Variants in SORCS2 observed in about 807,000 individuals in gnomAD.
SORCS2 encodes sortilin related VPS10 domain containing receptor 2.
In SORCS2, 100 loss-of-function variants were observed where a neutral mutation model predicts 141.6. The observed-to-expected ratio is 0.71, with a 90% CI of 0.60 to 0.83. SORCS2 has a LOEUF of 0.83. Among genes scored for constraint, SORCS2 ranks in the 40% least tolerant of loss-of-function variants. The pLI, the probability that SORCS2 is intolerant of heterozygous loss-of-function variation, is 0.00. For missense variants in SORCS2, 1,646 were observed against 1,560.2 expected, an observed-to-expected ratio of 1.05 and a Z score of -0.93; for synonymous variants, 789 against 676.9, an observed-to-expected ratio of 1.17 and a Z score of -2.57.
At chr4:7,413,885 G>C (rs1034725539) in intron 2 of SORCS2, among the ~76,000 whole-genome samples, 2 of 152,098 alleles carry the variant, frequency 1.3e-5, no homozygotes, top group Admixed American at 6.5e-5. Flanking sequence ...GCTCTTCTGT[G>C]TGCCCTTTTC....
chr4:7,496,518 C>A (rs1425644636), intron 2 of SORCS2, among the ~76,000 whole-genome samples: 1 of 130,886 alleles, frequency 7.6e-6, no homozygotes, highest in Non-Finnish European at 1.6e-5. Flanking sequence ...GTGCTCTGCA[C>A]GGAGGCTGTA....
At chr4:7,208,423 C>T (rs1727870568) in intron 1 of SORCS2, among the ~76,000 whole-genome samples, 2 of 152,168 alleles carry the variant, frequency 1.3e-5, no homozygotes, top group Admixed American at 1.3e-4. Flanking sequence ...CAGGGCTGGT[C>T]TTCTGCCCTC....
intron 2 of SORCS2, among the ~76,000 whole-genome samples, chr4:7,426,364 G>A (rs1726438844): frequency 6.6e-6 from 1 of 151,094 alleles, no homozygotes; most frequent in South Asian, 2.1e-4. Flanking sequence ...AGCTCCTGAA[G>A]AGGCCTTCCC....
rs1039497192 is a variant in SORCS2 at position 7,405,323 on chromosome 4, C to A, written c.548+8968C>A. Reference sequence around the variant, plus strand: ...GCTTTGTTCTTCTTGCTTAGGATTTCTTTTGCTATGTGGGCTCTTTTTGGG... The same window carrying A: ...GCTTTGTTCTTCTTGCTTAGGATTTATTTTGCTATGTGGGCTCTTTTTGGG... On this transcript the variant is annotated intron_variant, in intron 2 of 26. Transcript: ENST00000507866. Among the ~76,000 whole-genome samples the A allele has an allele frequency of 5.9e-5, 9 of 152,064 alleles. No homozygotes were observed. In the East Asian group the frequency reaches 1.7e-3, roughly 29 times the overall value.
At chr4:7,640,538 G>T (rs568009253) in intron 4 of SORCS2, among the ~76,000 whole-genome samples, 2 of 151,610 alleles carry the variant, frequency 1.3e-5, no homozygotes, top group East Asian at 1.9e-4. Flanking sequence ...GTGCGTGGGT[G>T]TGTGTAGATC....
chr4:7,512,063 A>G (rs1451392819), intron 2 of SORCS2, among the ~76,000 whole-genome samples: 4 of 152,164 alleles, frequency 2.6e-5, no homozygotes, highest in Non-Finnish European at 5.9e-5. Context: ...TTTAGAATAG[A>G]AAAGTTGAGT....
intron 9 of SORCS2, among the ~76,000 whole-genome samples, chr4:7,681,418 C>T (rs539411747): frequency 6.6e-5 from 10 of 152,266 alleles, no homozygotes; most frequent in South Asian, 2.1e-4. Flanking sequence ...AGAGATGCAG[C>T]GTTGCTAGCT....
intron 1 of SORCS2, among the ~76,000 whole-genome samples, chr4:7,260,517 C>A (rs1238736092): frequency 1.3e-5 from 2 of 152,184 alleles, no homozygotes; most frequent in Non-Finnish European, 2.9e-5. Context: ...GGGCTTTTAA[C>A]AGTTGTTTGT....
At chr4:7,202,468 T>C (rs544268019) in intron 1 of SORCS2, among the ~76,000 whole-genome samples, 2 of 152,350 alleles carry the variant, frequency 1.3e-5, no homozygotes, top group South Asian at 4.1e-4. Context: ...AAAATTACAA[T>C]CATTTAATTA....
At position 7,415,384 on chromosome 4, in the gene SORCS2, C is replaced by T. The variant is rs1262490705; in HGVS notation, c.548+19029C>T. 2.0e-5 allele frequency among the ~76,000 whole-genome samples: 3 copies of T among 152,246 alleles called. No homozygotes were observed. The East Asian group carries it at 5.8e-4, about 29-fold the overall frequency. Reference sequence around the variant, plus strand: ...GAGTTGGAATGCAGAGGCTGCCTGCCATCCGTGGCTCAGGCCTTCCCTCCC... The same window carrying T: ...GAGTTGGAATGCAGAGGCTGCCTGCTATCCGTGGCTCAGGCCTTCCCTCCC... On this transcript the variant is annotated intron_variant, in intron 2 of 26. Coordinates refer to ENST00000507866, the MANE Select transcript of SORCS2 (RefSeq NM_020777.3).
chr4:7,594,760 A>G lies in SORCS2; in HGVS notation c.649-43568A>G, dbSNP rs141162583. Among the ~76,000 whole-genome samples the G allele has an allele frequency of 3.0e-3, 461 of 152,124 alleles. 1 individual carries two copies. The highest frequency in any genetic ancestry group is 6.8e-3 in the Middle Eastern group (2 of 294). On this transcript the variant is annotated intron_variant, in intron 3 of 26. Coordinates refer to ENST00000507866, the MANE Select transcript of SORCS2 (RefSeq NM_020777.3). ...GGAGTTCAACATCTGGGTCTGGACC[A>G]CGCTTCCACCGCTGTTCAATGCTCA...
At chr4:7,227,145 G>A (rs928368201) in intron 1 of SORCS2, among the ~76,000 whole-genome samples, 2 of 152,214 alleles carry the variant, frequency 1.3e-5, no homozygotes, top group African/African-American at 4.8e-5. Flanking sequence ...AGGAGGCCCT[G>A]CGGGACAGGA....
At chr4:7,670,505 A>C (rs1416955048) in intron 8 of SORCS2, among the ~76,000 whole-genome samples, 3 of 152,210 alleles carry the variant, frequency 2.0e-5, no homozygotes, top group African/African-American at 7.2e-5. Context: ...AAAATTTCTA[A>C]GCCGTATGAA....
At chr4:7,443,104 T>A (rs906105024) in intron 2 of SORCS2, among the ~76,000 whole-genome samples, 1 of 152,216 alleles carries the variant, frequency 6.6e-6, no homozygotes, top group Non-Finnish European at 1.5e-5. Flanking sequence ...GAATTGAATA[T>A]GACCTCATCT....
chr4:7,402,922 T>C (rs1724690797), intron 2 of SORCS2, among the ~76,000 whole-genome samples: 1 of 152,068 alleles, frequency 6.6e-6, no homozygotes, highest in African/African-American at 2.4e-5. Context: ...TAACTTTTTC[T>C]TGACCCGTAC....
chr4:7,640,168 G>A (rs796454785), intron 4 of SORCS2, among the ~76,000 whole-genome samples: 39 of 134,498 alleles, frequency 2.9e-4, no homozygotes, highest in African/African-American at 8.4e-4. Context: ...ATGGGCATGT[G>A]TGGGTGAGTG....
intron 1 of SORCS2, among the ~76,000 whole-genome samples, chr4:7,238,049 C>T (rs549897424): frequency 4.0e-4 from 61 of 152,108 alleles, no homozygotes; most frequent in African/African-American, 1.0e-3. Flanking sequence ...CATCTTCTTT[C>T]GGAAACAATG....
chr4:7,338,273 C>T (rs967436911), intron 1 of SORCS2, among the ~76,000 whole-genome samples: 5 of 137,572 alleles, frequency 3.6e-5, no homozygotes, highest in South Asian at 2.4e-4. Flanking sequence ...GCATGGATGT[C>T]GGTTGGATGG....
At chr4:7,374,956 G>A (rs2109054546) in intron 1 of SORCS2, among the ~76,000 whole-genome samples, 1 of 152,306 alleles carries the variant, frequency 6.6e-6, no homozygotes, top group Non-Finnish European at 1.5e-5. Flanking sequence ...TGTTGGGGTT[G>A]GGATTTTGTT....
Sources: gnomAD v4.1 joint callset for allele counts (sites outside exome capture counted in the v4.1 genomes callset) on GRCh38, gnomAD v4.1.1 for gene constraint, MANE v1.5 for transcripts, NCBI Gene and HGNC (gene_info 2026-07-23, HGNC 2026-07-21) for gene names.